The following CAMTA1 variants were observed in gnomAD, a reference collection of about 807,000 sequenced individuals.
The protein encoded by CAMTA1 is calmodulin binding transcription activator 1.
Under a neutral mutation model 170.9 loss-of-function variants are expected in CAMTA1, and 27 were observed. That is an observed-to-expected ratio of 0.16 (90% confidence interval 0.12 to 0.22). The LOEUF is 0.22. CAMTA1 is among the 10% of genes least tolerant of loss of function. The probability of loss-of-function intolerance (pLI) is 1.00; values close to 1 mark genes in which losing one functional copy is unlikely to be tolerated. For missense variants in CAMTA1, 1,619 were observed against 2,217.2 expected (o/e 0.73, Z 5.42); for synonymous variants, 833 against 891.5 (o/e 0.93, Z 1.17).
In CAMTA1 at chr1:7,155,110, C is replaced by T. The variant is rs534451208; in HGVS notation, c.302+63739C>T. On this transcript the variant is annotated intron_variant, in intron 4 of 22. Transcript: ENST00000303635. ...CAGTGAGTGAGAGGCTACAGAGGCA[C>T]GGAACAGGATGGTGGCAGAGAGGTC... Among the ~76,000 whole-genome samples, 11 of 152,226 alleles carry T rather than the reference C, an allele frequency of 7.2e-5. 1 individual carries two copies. The Middle Eastern group carries it at 0.02, about 282-fold the overall frequency.
intron 10 of CAMTA1, among the ~76,000 whole-genome samples, chr1:7,675,636 A>C (rs1476893089): frequency 1.3e-5 from 2 of 152,076 alleles, no homozygotes; most frequent in African/African-American, 4.8e-5. Context: ...CCCTCCCAGC[A>C]GGAGCGGGTC....
Position 6,887,512 on chromosome 1 carries a change from G to A in CAMTA1, c.234+62302G>A. 1 of 1,243,184 alleles carries A rather than the reference G, an allele frequency of 8.0e-7. No individual in the cohort carries two copies. Among genetic ancestry groups the A allele is most frequent in the Non-Finnish European group, 1.1e-6 (1 of 917,806 alleles). 77.0% of individuals were successfully genotyped at this position (1,243,184 alleles called of 1,614,324 possible). On this transcript the variant is annotated intron_variant, in intron 3 of 22. Transcript: ENST00000303635. The surrounding 1 kb of genome is among the most constrained non-coding windows in gnomAD (Gnocchi z 4.1). ...TACCTGTTCATCTGTATACGTATGT[G>A]TGTGTTTAATATATACTTTAGTTTG...
intron 4 of CAMTA1, among the ~76,000 whole-genome samples, chr1:7,104,031 A>T (rs1455139653): frequency 2.6e-5 from 2 of 77,958 alleles, no homozygotes; most frequent in African/African-American, 6.4e-5. Context: ...TACACACTAC[A>T]TATGCATACA....
chr1:7,678,989 C>G (rs1020124411), intron 11 of CAMTA1, among the ~76,000 whole-genome samples: 2 of 152,238 alleles, frequency 1.3e-5, no homozygotes, highest in East Asian at 3.9e-4. Flanking sequence ...GTGCCGACAG[C>G]TGCCCTGGCT....
intron 6 of CAMTA1, among the ~76,000 whole-genome samples, chr1:7,574,154 C>T (rs916798664): frequency 1.4e-4 from 17 of 121,242 alleles, no homozygotes; most frequent in Non-Finnish European, 2.2e-4. Context: ...ACCCGACAGG[C>T]GGCAGCATGT....
In CAMTA1 at chr1:7,466,312, G is replaced by A. The variant is rs573038431; in HGVS notation, c.439-1518G>A. ...CATGGGCAAGAATTGCAAGGGAATT[G>A]TTTAAATTAATTTCCGCTTTGTATG... On this transcript the variant is annotated intron_variant, in intron 5 of 22. Transcript: ENST00000303635. Among the ~76,000 whole-genome samples, 5 of 152,314 alleles carry A rather than the reference G, an allele frequency of 3.3e-5. No individual in the cohort carries two copies. The East Asian group carries it at 5.8e-4, about 18-fold the overall frequency.
chr1:6,981,190 G>T (rs1694376013), intron 3 of CAMTA1, among the ~76,000 whole-genome samples: 1 of 152,084 alleles, frequency 6.6e-6, no homozygotes, highest in African/African-American at 2.4e-5. Context: ...GCCACTAAAA[G>T]GTGCCAAGTT....
intron 4 of CAMTA1, among the ~76,000 whole-genome samples, chr1:7,118,461 TA>T (rs928279564): frequency 7.3e-5 from 11 of 150,186 alleles, no homozygotes; most frequent in Non-Finnish European, 8.9e-5. Context: ...CCTGGCTAAT[TA>T]AAAAAAAAAT....
chr1:7,378,893 C>G (rs2087054598), intron 5 of CAMTA1, among the ~76,000 whole-genome samples: 1 of 152,118 alleles, frequency 6.6e-6, no homozygotes, highest in South Asian at 2.1e-4. Context: ...CTGGGAGGGA[C>G]TTTATTCCAG....
At chr1:7,162,634 G>C (rs1333194708) in intron 4 of CAMTA1, among the ~76,000 whole-genome samples, 9 of 152,198 alleles carry the variant, frequency 5.9e-5, no homozygotes, top group African/African-American at 2.2e-4. Context: ...GCACTTATCA[G>C]TAAGTACTTT....
At chr1:7,002,704 T>A (rs1293916819) in intron 3 of CAMTA1, among the ~76,000 whole-genome samples, 1 of 152,228 alleles carries the variant, frequency 6.6e-6, no homozygotes, top group Non-Finnish European at 1.5e-5. Flanking sequence ...TGTACTACCA[T>A]CTAGCCCATG....
chr1:7,491,583 A>G (rs2093704354), intron 6 of CAMTA1, among the ~76,000 whole-genome samples: 1 of 152,140 alleles, frequency 6.6e-6, no homozygotes, highest in South Asian at 2.1e-4. Flanking sequence ...AAATAATTAC[A>G]AGCACTTCGG....
At chr1:7,648,179 AG>A (rs1191398563) in intron 7 of CAMTA1, among the ~76,000 whole-genome samples, 1 of 152,186 alleles carries the variant, frequency 6.6e-6, no homozygotes, top group Non-Finnish European at 1.5e-5. Flanking sequence ...AGATCACCTG[AG>A]GTCAGGAGTT....
intron 5 of CAMTA1, among the ~76,000 whole-genome samples, chr1:7,417,418 G>A (rs1331421431): frequency 6.6e-6 from 1 of 152,224 alleles, no homozygotes; most frequent in African/African-American, 2.4e-5. Flanking sequence ...GCTGTGGTGG[G>A]CTCCACCCAG....
chr1:7,382,475 G>A (rs2087450156), intron 5 of CAMTA1: 2 of 152,218 alleles, frequency 1.3e-5, no homozygotes, highest in African/African-American at 2.4e-5. Context: ...CATTCCCCAG[G>A]ACAGGCACAG....
intron 6 of CAMTA1, among the ~76,000 whole-genome samples, chr1:7,603,666 C>A (rs1237300679): frequency 3.3e-5 from 5 of 152,136 alleles, no homozygotes; most frequent in Non-Finnish European, 4.4e-5. Context: ...TTAATTGGAC[C>A]ATTTAGCCCA....
chr1:7,687,674 C>T (rs895788305), intron 11 of CAMTA1, among the ~76,000 whole-genome samples: 2 of 152,208 alleles, frequency 1.3e-5, no homozygotes, highest in Non-Finnish European at 2.9e-5. Context: ...TCTTGCCAAC[C>T]TTTTGATAGG....
intron 5 of CAMTA1, among the ~76,000 whole-genome samples, chr1:7,439,704 C>T (rs539762742): frequency 1.1e-4 from 16 of 152,334 alleles, no homozygotes; most frequent in African/African-American, 3.4e-4. Flanking sequence ...GACTGCCCCA[C>T]TGTGATGATG....
rs2096872863 is a variant in CAMTA1, at chr1:7,748,419, A to G, written c.4689+638A>G. Among the ~76,000 whole-genome samples the G allele has an allele frequency of 6.6e-6, 1 of 152,106 alleles. No homozygotes were observed. Among genetic ancestry groups the G allele is most frequent in the Admixed American group, 6.6e-5 (1 of 15,262 alleles). On this transcript the variant is annotated intron_variant, in intron 19 of 22. Coordinates refer to ENST00000303635, the MANE Select transcript of CAMTA1 (RefSeq NM_015215.4). The surrounding 1 kb of genome is among the most constrained non-coding windows in gnomAD (Gnocchi z 4.7). ...AACCAGAGGAAAACAAAATAAAACCATCTGCAATTAGACTTGTACCGCAAA... is the reference window on the plus strand; with the variant it reads ...AACCAGAGGAAAACAAAATAAAACCGTCTGCAATTAGACTTGTACCGCAAA...
Sources: allele counts gnomAD v4.1 joint callset (sites outside exome capture counted in the v4.1 genomes callset), GRCh38; gene constraint gnomAD v4.1.1; non-coding constraint Gnocchi (gnomAD v3.1); transcripts MANE v1.5; gene names NCBI Gene and HGNC (gene_info 2026-07-23, HGNC 2026-07-21).